The following CHRNA7 variants were observed in gnomAD, a reference collection of about 807,000 sequenced individuals.
CHRNA7 encodes the protein cholinergic receptor nicotinic alpha 7 subunit.
CHRNA7 carries 17 observed loss-of-function variants against 48.0 expected under a neutral mutation model. That is an observed-to-expected ratio of 0.35 (90% CI 0.24 to 0.53). The LOEUF (loss-of-function observed/expected upper bound fraction) is 0.53, where lower values mean the gene tolerates loss of function less well. Among genes scored for constraint, CHRNA7 ranks in the 20% least tolerant of loss-of-function variants. The pLI is 0.92. For missense variants in CHRNA7, 155 were observed against 577.7 expected, an observed-to-expected ratio of 0.27 and a Z score of 7.50; for synonymous variants, 75 against 242.3, an observed-to-expected ratio of 0.31 and a Z score of 6.41.
At chr15:32,151,002 C>T (rs2051616695) in intron 4 of CHRNA7, among the ~76,000 whole-genome samples, 2 of 152,120 alleles carry the variant, frequency 1.3e-5, no homozygotes, top group Admixed American at 6.5e-5. Context: ...CTCCCTCTCT[C>T]CTTTCTCTCA....
intron 2 of CHRNA7, among the ~76,000 whole-genome samples, chr15:32,057,038 T>G (rs1396264002): frequency 6.6e-6 from 1 of 152,220 alleles, no homozygotes; most frequent in East Asian, 1.9e-4. Context: ...TCTGATTGGC[T>G]ACCACTAGGC....
intron 2 of CHRNA7, among the ~76,000 whole-genome samples, chr15:32,049,615 G>A (rs1053513807): frequency 3.9e-5 from 6 of 152,136 alleles, no homozygotes; most frequent in Admixed American, 1.3e-4. Context: ...GCCAGTCTGT[G>A]TCTTTTAATT....
chr15:32,086,390 A>AAAT (rs2050298364), intron 2 of CHRNA7, among the ~76,000 whole-genome samples: 1 of 132,080 alleles, frequency 7.6e-6, no homozygotes, highest in African/African-American at 2.8e-5. Flanking sequence ...AAAAAAAAAA[A>AAAT]GATAAACACT....
intron 3 of CHRNA7, 112 bp downstream of exon 3, chr15:32,101,459 AC>A (rs919524149): frequency 2.7e-5 from 32 of 1,164,682 alleles, no homozygotes; most frequent in Admixed American, 7.6e-5. Context: ...AGGAAAAAAA[AC>A]CAAAAAAACA....
intron 2 of CHRNA7, among the ~76,000 whole-genome samples, chr15:32,068,019 A>T (rs2049993614): frequency 6.6e-6 from 1 of 152,196 alleles, no homozygotes; most frequent in Non-Finnish European, 1.5e-5. Context: ...TAAGACATAT[A>T]GAAAATAGCA....
At chr15:32,040,929 T>C (rs1253505559) in intron 2 of CHRNA7, among the ~76,000 whole-genome samples, 1 of 152,166 alleles carries the variant, frequency 6.6e-6, no homozygotes, top group Non-Finnish European at 1.5e-5. Flanking sequence ...AAGGATGATT[T>C]CAATAATTCT....
intron 4 of CHRNA7, among the ~76,000 whole-genome samples, chr15:32,130,587 G>A (rs1311802156): frequency 2.0e-5 from 3 of 150,230 alleles, no homozygotes; most frequent in Admixed American, 6.6e-5. Context: ...TGCCTATGAT[G>A]TACTTAACTT....
At chr15:32,146,934 T>C (rs575443539) in intron 4 of CHRNA7, among the ~76,000 whole-genome samples, 1 of 152,326 alleles carries the variant, frequency 6.6e-6, no homozygotes, top group East Asian at 1.9e-4. Flanking sequence ...TGGGGGACTT[T>C]CTGTGCCAAA....
chr15:32,123,266 A>G (rs998273110), intron 4 of CHRNA7, among the ~76,000 whole-genome samples: 1 of 152,244 alleles, frequency 6.6e-6, no homozygotes, highest in Admixed American at 6.5e-5. Context: ...TTCATGCATG[A>G]TAAAGATAAA....
intron 4 of CHRNA7, among the ~76,000 whole-genome samples, chr15:32,114,049 T>C (rs1344471830): frequency 2.6e-4 from 14 of 54,638 alleles, no homozygotes; most frequent in Admixed American, 1.4e-3. Flanking sequence ...TATATGTATA[T>C]ATATATATAT....
At chr15:32,084,278 A>G (rs1188745143) in intron 2 of CHRNA7, among the ~76,000 whole-genome samples, 3 of 152,310 alleles carry the variant, frequency 2.0e-5, no homozygotes, top group South Asian at 2.1e-4. Context: ...AGGAGGGGTT[A>G]TAGTTCTTTC....
chr15:32,109,667 G>C (rs2050729866), intron 3 of CHRNA7, among the ~76,000 whole-genome samples: 3 of 152,202 alleles, frequency 2.0e-5, no homozygotes, highest in Admixed American at 6.5e-5. Context: ...GGTAAGCCCT[G>C]ACCCAGTGAC....
intron 2 of CHRNA7, among the ~76,000 whole-genome samples, chr15:32,072,162 C>G (rs1441239233): frequency 6.6e-6 from 1 of 152,094 alleles, no homozygotes. Context: ...CCTGTTACAC[C>G]CTAGCAGATA....
At chr15:32,068,862 A>G (rs2050008869) in intron 2 of CHRNA7, among the ~76,000 whole-genome samples, 1 of 152,230 alleles carries the variant, frequency 6.6e-6, no homozygotes, top group Non-Finnish European at 1.5e-5. Context: ...CATGAAGCAA[A>G]AAGAGACAGA....
rs1595503391 is a variant in CHRNA7, at chr15:32,149,074, G to A, written c.351-4833G>A. 1.3e-5 allele frequency among the ~76,000 whole-genome samples: 2 copies of A among 152,214 alleles called. No homozygotes were observed. The highest frequency in any genetic ancestry group is 3.8e-4 in the East Asian group (2 of 5,198). On this transcript the variant is annotated intron_variant, in intron 4 of 9. Coordinates refer to ENST00000306901, the MANE Select transcript of CHRNA7 (RefSeq NM_000746.6). The surrounding 1 kb of genome is among the most constrained non-coding windows in gnomAD (Gnocchi z 4.6). ...AGTGGGCCCCAGTCATTGCTGGCTG[G>A]GGGAGGACAAAGGCAGCCAGATAAA...
In CHRNA7 at chr15:32,067,157, T is replaced by C. The variant is rs146436637; in HGVS notation, c.196-34146T>C. Among the ~76,000 whole-genome samples, 77 of 152,292 alleles carry C rather than the reference T, an allele frequency of 5.1e-4. 1 individual carries two copies. In the East Asian group the frequency reaches 0.014, roughly 27 times the overall value. Reference sequence around the variant, plus strand: ...AGCTTCCCAAATTGGGTGAAAAACATTGATGTACACATCCGTAAAGCTTAA... The same window carrying C: ...AGCTTCCCAAATTGGGTGAAAAACACTGATGTACACATCCGTAAAGCTTAA... On this transcript the variant is annotated intron_variant, in intron 2 of 9. Coordinates refer to ENST00000306901, the MANE Select transcript of CHRNA7 (RefSeq NM_000746.6).
At chr15:32,079,689 A>G (rs1043889513) in intron 2 of CHRNA7, among the ~76,000 whole-genome samples, 1 of 152,244 alleles carries the variant, frequency 6.6e-6, no homozygotes, top group African/African-American at 2.4e-5. Context: ...ATGGATAGGA[A>G]AAATCAATAT....
intron 4 of CHRNA7, among the ~76,000 whole-genome samples, chr15:32,151,907 C>G (rs183258056): frequency 3.7e-4 from 56 of 152,296 alleles, no homozygotes; most frequent in African/African-American, 1.2e-3. Flanking sequence ...GGAGAGGCTG[C>G]CTGAGGCTCT....
At chr15:32,136,497 C>CAA (rs34839510) in intron 4 of CHRNA7, among the ~76,000 whole-genome samples, 8 of 110,344 alleles carry the variant, frequency 7.3e-5, no homozygotes, top group East Asian at 2.9e-4. Context: ...GACTCCATCT[C>CAA]AAAAAAAAAA....
Sources: allele counts gnomAD v4.1 joint callset (sites outside exome capture counted in the v4.1 genomes callset), GRCh38; gene constraint gnomAD v4.1.1; non-coding constraint Gnocchi (gnomAD v3.1); transcripts MANE v1.5; gene names NCBI Gene and HGNC (gene_info 2026-07-23, HGNC 2026-07-21).